CTNND1: variants seen among roughly 807,000 people sequenced by gnomAD.
CTNND1 encodes catenin delta-1.
A neutral mutation model predicts 112.1 loss-of-function variants in CTNND1; 16 were observed. That is an observed-to-expected ratio of 0.14 (90% CI 0.10 to 0.22). The LOEUF (loss-of-function observed/expected upper bound fraction) is 0.22. CTNND1 is among the 10% of genes least tolerant of loss of function. The pLI, the probability that CTNND1 is intolerant of heterozygous loss-of-function variation, is 1.00. For missense variants in CTNND1, 1,008 were observed against 1,257.0 expected, an observed-to-expected ratio of 0.80 and a Z score of 3.00; for synonymous variants, 420 against 446.5, an observed-to-expected ratio of 0.94 and a Z score of 0.75.
intron 1 of CTNND1, among the ~76,000 whole-genome samples, chr11:57,769,483 T>G (rs1010706690): frequency 6.6e-6 from 1 of 152,138 alleles, no homozygotes; most frequent in African/African-American, 2.4e-5. Context: ...CTCTGTAGCC[T>G]CCCACATTCA....
At chr11:57,781,212 C>T (rs1472616448) in intron 1 of CTNND1, among the ~76,000 whole-genome samples, 1 of 152,214 alleles carries the variant, frequency 6.6e-6, no homozygotes, top group African/African-American at 2.4e-5. Flanking sequence ...GCTGGGATTA[C>T]AGGCGTGAGC....
Position 57,791,589 on chromosome 11 carries a change from C to G in CTNND1, c.111C>G (p.Val37=). 6.2e-7 allele frequency: 1 copy of G among 1,611,704 alleles called. No homozygotes were observed. The highest frequency in any genetic ancestry group is 8.5e-7 in the Non-Finnish European group (1 of 1,178,986). The change falls in exon 3 of 21, where the codon GTC becomes GTG. Residue 37 remains valine (V), a synonymous_variant. Coordinates refer to ENST00000399050, the MANE Select transcript of CTNND1 (RefSeq NM_001085458.2). ...TRALEEERRH[V]SAQLERVRVS... ...CGCTGGAGGAGGAACGGCGCCACGT[C>G]TCGGCGCAGCTGGAACGCGTCCGGG...
chr11:57,766,811 A>G (rs912389324), intron 1 of CTNND1, among the ~76,000 whole-genome samples: 4 of 152,178 alleles, frequency 2.6e-5, no homozygotes, highest in African/African-American at 9.7e-5. Flanking sequence ...AATATTAAGC[A>G]TTGAGAATGG....
intron 17 of CTNND1, among the ~76,000 whole-genome samples, chr11:57,812,231 A>C (rs1307267176): frequency 1.3e-5 from 2 of 152,202 alleles, no homozygotes; most frequent in Non-Finnish European, 2.9e-5. Flanking sequence ...GAGAAGAAAA[A>C]ACATCAGGCC....
intron 1 of CTNND1, among the ~76,000 whole-genome samples, chr11:57,775,258 A>T (rs1027172517): frequency 1.3e-5 from 2 of 151,500 alleles, no homozygotes; most frequent in Non-Finnish European, 2.9e-5. Context: ...GGTCTCAGCT[A>T]CTTAGGAAGC....
In CTNND1 at chr11:57,796,235, A is replaced by C. The variant is rs1390476572; in HGVS notation, c.421-222A>C. Among the ~76,000 whole-genome samples, 42 of 151,866 alleles carry C rather than the reference A, an allele frequency of 2.8e-4. 1 individual carries two copies. The highest frequency in any genetic ancestry group is 2.8e-3 in the Admixed American group (42 of 15,254). On this transcript the variant is annotated intron_variant, in intron 5 of 20. Coordinates refer to ENST00000399050, the MANE Select transcript of CTNND1 (RefSeq NM_001085458.2). ...CCCCGTCTCTACTAAAAATACAAAAAATTAGCCAGGTGTGGTGGTGTGTGC... is the reference window on the plus strand; with the variant it reads ...CCCCGTCTCTACTAAAAATACAAAACATTAGCCAGGTGTGGTGGTGTGTGC...
rs998607508 is a variant in CTNND1 at position 57,803,773 on chromosome 11, T to C, written c.1573T>C (p.Ser525Pro). The C allele has an allele frequency of 6.2e-7, 1 of 1,611,856 alleles. No homozygotes were observed. The highest frequency in any genetic ancestry group is 1.3e-5 in the African/African-American group (1 of 74,878). ...TAAGCCACGCCACATTGAGTGGGAA[T>C]CGGTGCTCACCAACACAGCTGGCTG... Reference protein sequence around the residue: ...DCKPRHIEWESVLTNTAGCLR... With the variant: ...DCKPRHIEWEPVLTNTAGCLR... The change falls in exon 8 of 21, where the codon TCG (serine) becomes CCG (proline). Residue 525 changes from serine to proline, a missense_variant. Transcript: ENST00000399050.
chr11:57,818,125 G>A lies in CTNND1; in HGVS notation c.*1817G>A, dbSNP rs1488552648. 6.6e-6 allele frequency: 1 copy of A among 151,920 alleles called. No homozygotes were observed. The highest frequency in any genetic ancestry group is 1.5e-5 in the Non-Finnish European group (1 of 67,996). 9.4% of individuals were successfully genotyped at this position (151,920 alleles called of 1,614,324 possible). A position where few individuals can be genotyped will look rare whatever the true frequency, so the allele number is the denominator to read the frequency against. On this transcript the variant is annotated 3_prime_UTR_variant, in exon 21 of 21. Coordinates refer to ENST00000399050, the MANE Select transcript of CTNND1 (RefSeq NM_001085458.2). ...TGTGACCCTAAGAGCACACTGCACAGGGAAAATTGCCCCATCCAGACCTGG... is the reference window on the plus strand; with the variant it reads ...TGTGACCCTAAGAGCACACTGCACAAGGAAAATTGCCCCATCCAGACCTGG...
At position 57,796,952 on chromosome 11, in the gene CTNND1, C is replaced by T. The variant is rs748440586; in HGVS notation, c.916C>T (p.Arg306Cys). ...TATGATGTCTGATTATGGCACTGCC[C>T]GTCGGACTGGGACACCCTCTGACCC... is the stretch of plus-strand genomic sequence containing the variant. ...YGMMSDYGTA[R>C]RTGTPSDPRR... Residue 306 changes from arginine to cysteine, a missense_variant, in exon 6 of 21, where the codon CGT (arginine) becomes TGT (cysteine). Arg to Cys is a radical substitution (Grantham distance 180). Coordinates refer to ENST00000399050, the MANE Select transcript of CTNND1 (RefSeq NM_001085458.2). The T allele has an allele frequency of 1.4e-5, 21 of 1,531,650 alleles. No individual in the cohort carries two copies. The highest frequency in any genetic ancestry group is 2.7e-5 in the African/African-American group (2 of 73,146). 94.9% of individuals were successfully genotyped at this position (1,531,650 alleles called of 1,614,324 possible). A position where few individuals can be genotyped will look rare whatever the true frequency, so the allele number is the denominator to read the frequency against.
rs2064047074 is a variant in CTNND1, at chr11:57,817,550, T to C, written c.*1242T>C. 6.5e-6 allele frequency: 1 copy of C among 152,812 alleles called. No individual in the cohort carries two copies. Among genetic ancestry groups the C allele is most frequent in the South Asian group, 2.1e-4 (1 of 4,830 alleles). 9.5% of individuals were successfully genotyped at this position (152,812 alleles called of 1,614,324 possible). A position where few individuals can be genotyped will look rare whatever the true frequency, so the allele number is the denominator to read the frequency against. Reference sequence around the variant, plus strand: ...GACCGAGAGAACCTCAGATTCTTCATTGAGGATTGGTATAGCCATGATTTC... The same window carrying C: ...GACCGAGAGAACCTCAGATTCTTCACTGAGGATTGGTATAGCCATGATTTC... On this transcript the variant is annotated 3_prime_UTR_variant, in exon 21 of 21. Coordinates refer to ENST00000399050, the MANE Select transcript of CTNND1 (RefSeq NM_001085458.2).
At chr11:57,797,699 G>T (rs1333260522) in intron 6 of CTNND1, among the ~76,000 whole-genome samples, 1 of 150,894 alleles carries the variant, frequency 6.6e-6, no homozygotes, top group Admixed American at 6.6e-5. Flanking sequence ...AAAATTAGCT[G>T]GGCGTAGTGG....
chr11:57,790,151 G>A (rs1051809542), intron 2 of CTNND1, among the ~76,000 whole-genome samples: 10 of 151,972 alleles, frequency 6.6e-5, no homozygotes, highest in South Asian at 2.1e-4. Flanking sequence ...GTGCCATCTC[G>A]GCTCACTACA....
chr11:57,764,383 AG>A lies in CTNND1; in HGVS notation c.-214+2265del, dbSNP rs1950590516. 2.6e-5 allele frequency among the ~76,000 whole-genome samples: 4 copies of A among 152,202 alleles called. No individual in the cohort carries two copies. The South Asian group carries it at 8.3e-4, about 32-fold the overall frequency. ...GATATTAACAAAAAGAAAAGCACTA[AG>A]TAATTACAATCCAGCCTTAGGTTTA... On this transcript the variant is annotated intron_variant, in intron 1 of 20. Coordinates refer to ENST00000399050, the MANE Select transcript of CTNND1 (RefSeq NM_001085458.2).
chr11:57,809,179 C>T, intron 14 of CTNND1, 95 bp from the exon 15 acceptor site: 1 of 880,168 alleles, frequency 1.1e-6, no homozygotes, highest in Non-Finnish European at 1.8e-6. Flanking sequence ...GTGGACAGCA[C>T]CTACACTTGA....
chr11:57,793,857 G>A (rs1480780059), intron 3 of CTNND1, among the ~76,000 whole-genome samples, 153 bp from the exon 4 acceptor site: 2 of 152,170 alleles, frequency 1.3e-5, no homozygotes, highest in Non-Finnish European at 2.9e-5. Context: ...AGACTAAAGA[G>A]TGAATGGTTC....
At chr11:57,814,723 T>G (rs1031097273) in intron 18 of CTNND1, among the ~76,000 whole-genome samples, 1 of 152,082 alleles carries the variant, frequency 6.6e-6, no homozygotes, top group South Asian at 2.1e-4. Context: ...ATCTATTCAC[T>G]CTATAGTTTG....
rs1447968437 is a variant in CTNND1, at chr11:57,817,283, G to C, written c.*975G>C. 1.3e-5 allele frequency: 2 copies of C among 152,746 alleles called. No homozygotes were observed. Among genetic ancestry groups the C allele is most frequent in the African/African-American group, 2.4e-5 (1 of 41,442 alleles). The allele number at this position is 152,746 out of a possible 1,614,324, so 9.5% of individuals were successfully genotyped here. A position where few individuals can be genotyped will look rare whatever the true frequency, so the allele number is the denominator to read the frequency against. Reference sequence around the variant, plus strand: ...CCTTATAGGCCTGTCCCTTGCCTCTGCCCTGGATTGGTTGGCAAACTAAAG... The same window carrying C: ...CCTTATAGGCCTGTCCCTTGCCTCTCCCCTGGATTGGTTGGCAAACTAAAG... On this transcript the variant is annotated 3_prime_UTR_variant, in exon 21 of 21. Transcript: ENST00000399050.
intron 1 of CTNND1, among the ~76,000 whole-genome samples, chr11:57,780,406 C>T (rs2059449026): frequency 6.6e-6 from 1 of 152,138 alleles, no homozygotes. Context: ...ACTCTTTCCA[C>T]TTTATCAAGA....
chr11:57,786,842 C>G (rs543812455), intron 1 of CTNND1, among the ~76,000 whole-genome samples: 2 of 152,166 alleles, frequency 1.3e-5, no homozygotes, highest in African/African-American at 4.8e-5. Flanking sequence ...AAAGTAGAAC[C>G]CTTTTCTTTC....
Sources: gnomAD v4.1 joint callset for allele counts (sites outside exome capture counted in the v4.1 genomes callset) on GRCh38, gnomAD v4.1.1 for gene constraint, MANE v1.5 for transcripts, NCBI Gene and HGNC (gene_info 2026-07-23, HGNC 2026-07-21) for gene names.